ARHGEF1: variants seen among roughly 807,000 people sequenced by gnomAD.
The protein encoded by ARHGEF1 is Rho guanine nucleotide exchange factor 1.
A neutral mutation model predicts 119.7 loss-of-function variants in ARHGEF1; 40 were observed. That is an observed-to-expected ratio of 0.33 (90% CI 0.26 to 0.44). The LOEUF (loss-of-function observed/expected upper bound fraction) is 0.44. Ranked by LOEUF, ARHGEF1 falls within the 20% of genes least tolerant of loss-of-function variation. The pLI, the probability that ARHGEF1 is intolerant of heterozygous loss-of-function variation, is 1.00. For synonymous variants in ARHGEF1, 494 were observed against 521.0 expected (o/e 0.95, Z 0.71); for missense variants, 976 against 1,268.3 (o/e 0.77, Z 3.50).
At chr19:41,887,505 T>C (rs1201399188) in intron 1 of ARHGEF1, among the ~76,000 whole-genome samples, 1 of 151,270 alleles carries the variant, frequency 6.6e-6, no homozygotes, top group Non-Finnish European at 1.5e-5. Context: ...GGGAGGAGGG[T>C]TCTGAGTTTT....
upstream of ARHGEF1, among the ~76,000 whole-genome samples, chr19:41,919,173 C>A (rs1166330723): frequency 3.3e-5 from 5 of 152,016 alleles, no homozygotes; most frequent in Non-Finnish European, 5.9e-5. Flanking sequence ...GCTTACTACT[C>A]TCAATACCAC....
At position 41,895,460 on chromosome 19, in the gene ARHGEF1, C is replaced by G; in HGVS notation, c.989C>G (p.Ser330Cys). 1 of 1,608,906 alleles carries G rather than the reference C, an allele frequency of 6.2e-7. No homozygotes were observed. Among genetic ancestry groups the G allele is most frequent in the Non-Finnish European group, 8.5e-7 (1 of 1,177,504 alleles). ...DTPGVSLHPLSLDSPDREPGA... is the reference protein window; with the variant it reads ...DTPGVSLHPLCLDSPDREPGA... ...CCTGGAGTCTCTCTGCACCCTCTGT[C>G]CCTGGACAGCCCAGACCGGGAACCA... The change falls in exon 12 of 29, where the codon TCC becomes TGC. Residue 330 changes from serine (S) to cysteine (C), a missense_variant. This residue lies in a region of ARHGEF1 where 519 missense variants were observed against 580.9 expected (regional missense o/e 0.89). Transcript: ENST00000354532.
Position 41,905,744 on chromosome 19 carries a change from C to G in ARHGEF1, c.2337-16C>G. 1 of 1,613,782 alleles carries G rather than the reference C, an allele frequency of 6.2e-7. No individual in the cohort carries two copies. Among genetic ancestry groups the G allele is most frequent in the Non-Finnish European group, 8.5e-7 (1 of 1,179,920 alleles). ...GGGCCAGGGGTGTGGGGTCACCCAG[C>G]ACTTCCTCCCCTCAGCACCCGAGAA... On this transcript the variant is annotated splice_polypyrimidine_tract_variant and intron_variant, in intron 24 of 28. Coordinates refer to ENST00000354532, the MANE Select transcript of ARHGEF1 (RefSeq NM_004706.4). The surrounding 1 kb of genome is among the most constrained non-coding windows in gnomAD (Gnocchi z 6.4).
chr19:41,909,583 GGGGAAAC>G, downstream of ARHGEF1: 2 of 935,602 alleles, frequency 2.1e-6, no homozygotes, highest in Non-Finnish European at 3.0e-6. The surrounding 1 kb of genome is among the most constrained non-coding windows in gnomAD (Gnocchi z 5.2). Context: ...ACTAGAACTT[GGGGAAAC>G]TGAGGCTCAC....
rs782407754 is a variant in ARHGEF1 at position 41,906,749 on chromosome 19, T to C, written c.2702T>C (p.Leu901Pro). 3 of 1,611,876 alleles carry C rather than the reference T, an allele frequency of 1.9e-6. No individual in the cohort carries two copies. The highest frequency in any genetic ancestry group is 2.5e-6 in the Non-Finnish European group (3 of 1,179,134). Residue 901 changes from leucine (L) to proline (P), a missense_variant, in exon 28 of 29, where the codon CTT (leucine) becomes CCT (proline). Physicochemically the swap from Leu to Pro is moderately conservative, Grantham distance 98 (BLOSUM62 -3). Transcript: ENST00000354532. The surrounding 1 kb of genome is among the most constrained non-coding windows in gnomAD (Gnocchi z 4.5). ...CGCCTGAGACCCCTCCTGTCTCAGC[T>C]TGGGGGGAACTCTGTCCCCCAGCCT... ...FCRLRPLLSQ[L>P]GGNSVPQPGC...
upstream of ARHGEF1, among the ~76,000 whole-genome samples, chr19:41,921,903 G>A (rs1299596063): frequency 6.6e-6 from 1 of 150,806 alleles, no homozygotes; most frequent in Admixed American, 6.6e-5. The surrounding 1 kb of genome is among the most constrained non-coding windows in gnomAD (Gnocchi z 4.4). Context: ...TCTCCACCAG[G>A]CCCCACCCCA....
chr19:41,910,545 C>T (rs2074746053), downstream of ARHGEF1, among the ~76,000 whole-genome samples: 1 of 152,154 alleles, frequency 6.6e-6, no homozygotes, highest in African/African-American at 2.4e-5. This position sits in a 1 kb window ranked among gnomAD's most constrained non-coding sequence, Gnocchi z 4.4. Context: ...CATTCCCTGT[C>T]CCCTGCTCCA....
At position 41,883,633 on chromosome 19, in the gene ARHGEF1, G is replaced by T. The variant is rs1555844755; in HGVS notation, c.-20+344G>T. On this transcript the variant is annotated intron_variant, in intron 1 of 28. Coordinates refer to ENST00000354532, the MANE Select transcript of ARHGEF1 (RefSeq NM_004706.4). This position sits in a 1 kb window ranked among gnomAD's most constrained non-coding sequence, Gnocchi z 7.6. ...CGACTCGTCCCAGGGAACGCACATC[G>T]TGAGAAAGTGTGGAGTTGGGATTTG... Among the ~76,000 whole-genome samples, 1 of 152,216 alleles carries T rather than the reference G, an allele frequency of 6.6e-6. No homozygotes were observed.
At chr19:41,922,008 C>G (rs1599679882), upstream of ARHGEF1, among the ~76,000 whole-genome samples, 1 of 151,904 alleles carries the variant, frequency 6.6e-6, no homozygotes, top group Admixed American at 6.6e-5. Context: ...CCTCCACCCC[C>G]AGCCTCACTC....
In ARHGEF1 at chr19:41,917,364, C is replaced by G. The variant is rs1289042549; in HGVS notation, c.1866-5728C>G. ...TCCTAACGCCCCATCACCACGCCCC[C>G]CTGGGCTGGGGTTTAACCAGTTGTT... On this transcript the variant is annotated intron_variant, in intron 18 of 20. Coordinates refer to the ARHGEF1 transcript ENST00000599589. This position sits in a 1 kb window ranked among gnomAD's most constrained non-coding sequence, Gnocchi z 4.8. Among the ~76,000 whole-genome samples the G allele has an allele frequency of 4.6e-5, 7 of 152,008 alleles. No homozygotes were observed. The highest frequency in any genetic ancestry group is 6.6e-5 in the Admixed American group (1 of 15,252).
upstream of ARHGEF1, among the ~76,000 whole-genome samples, chr19:41,922,852 G>C (rs939675615): frequency 6.6e-6 from 1 of 152,198 alleles, no homozygotes; most frequent in Non-Finnish European, 1.5e-5. Flanking sequence ...GCGCACTGCC[G>C]CCGAGGCGGA....
chr19:41,911,295 C>T, downstream of ARHGEF1, among the ~76,000 whole-genome samples: 1 of 152,240 alleles, frequency 6.6e-6, no homozygotes. Context: ...TCTTATGCCA[C>T]ATCCTCTGTC....
At chr19:41,910,024 A>G, downstream of ARHGEF1, 2 of 1,613,662 alleles carry the variant, frequency 1.2e-6, no homozygotes, top group East Asian at 2.2e-5. The surrounding 1 kb of genome is among the most constrained non-coding windows in gnomAD (Gnocchi z 4.4). Flanking sequence ...GCTCCAGGAT[A>G]AAGTGCCACA....
At chr19:41,908,409 G>A (rs569577519), downstream of ARHGEF1, 436 of 1,231,208 alleles carry the variant, frequency 3.5e-4, no homozygotes, top group Non-Finnish European at 3.9e-4. The surrounding 1 kb of genome is among the most constrained non-coding windows in gnomAD (Gnocchi z 6.7). Flanking sequence ...GCGAGGGGCC[G>A]CTGCCAGGCC....
At chr19:41,884,272 G>T (rs1210935254) in intron 1 of ARHGEF1, 4 of 730,068 alleles carry the variant, frequency 5.5e-6, no homozygotes, top group Non-Finnish European at 8.9e-6. Context: ...CCTGCGTGGC[G>T]CAGTACAGCG....
rs1212978007 is a variant in ARHGEF1, at chr19:41,903,836, G to C, written c.1917+52G>C. 6.3e-7 allele frequency: 1 copy of C among 1,583,318 alleles called. No homozygotes were observed. The highest frequency in any genetic ancestry group is 8.7e-7 in the Non-Finnish European group (1 of 1,154,424). On this transcript the variant is annotated intron_variant, in intron 20 of 28. Transcript: ENST00000354532. The surrounding 1 kb of genome is among the most constrained non-coding windows in gnomAD (Gnocchi z 4.2). ...CGCCCCCCTACTCCTTGGCCCAGGG[G>C]ATTCTGTGATACAGCCCCCAGCCTG...
In ARHGEF1 at chr19:41,892,184, T is replaced by A. The variant is rs2074387228; in HGVS notation, c.324+61T>A. 6.4e-7 allele frequency: 1 copy of A among 1,568,836 alleles called. No individual in the cohort carries two copies. Among genetic ancestry groups the A allele is most frequent in the African/African-American group, 1.3e-5 (1 of 74,078 alleles). On this transcript the variant is annotated intron_variant, in intron 5 of 28. Transcript: ENST00000354532. The surrounding 1 kb of genome is among the most constrained non-coding windows in gnomAD (Gnocchi z 6.3). ...CCTGTTTGGGCCTGCAGAGTCACCA[T>A]GCGGTCCCCAGCCTCTGCCCTGAGG...
chr19:41,907,800 G>C (rs941851472), downstream of ARHGEF1: 10 of 192,736 alleles, frequency 5.2e-5, no homozygotes, highest in Non-Finnish European at 9.4e-5. Context: ...TCCTGGGTGG[G>C]GGCTGGGGGC....
intron 1 of ARHGEF1, chr19:41,884,265 G>A: frequency 1.4e-6 from 1 of 697,860 alleles, no homozygotes; most frequent in Non-Finnish European, 2.4e-6. Context: ...TATCTGGCCT[G>A]CGTGGCGCAG....
Sources: allele counts gnomAD v4.1 joint callset (sites outside exome capture counted in the v4.1 genomes callset), GRCh38; gene constraint gnomAD v4.1.1; regional missense constraint gnomAD v4.1.1; non-coding constraint Gnocchi (gnomAD v3.1); transcripts MANE v1.5; gene names NCBI Gene and HGNC (gene_info 2026-07-23, HGNC 2026-07-21).